The following MAGI2 variants were observed in gnomAD, a reference collection of about 807,000 sequenced individuals.
The protein encoded by MAGI2 is membrane-associated guanylate kinase, WW and PDZ domain-containing protein 2.
In MAGI2, 35 loss-of-function variants were observed where a neutral mutation model predicts 133.3. The ratio of observed to expected loss-of-function variants is 0.26; its 90% CI spans 0.20 to 0.35. The LOEUF (loss-of-function observed/expected upper bound fraction) is 0.35, where lower values mean the gene tolerates loss of function less well. Among genes scored for constraint, MAGI2 ranks in the 10% least tolerant of loss-of-function variants. MAGI2 has a pLI of 1.00. For missense variants in MAGI2, 1,636 were observed against 1,863.4 expected (o/e 0.88, Z 2.25); for synonymous variants, 729 against 710.6 (o/e 1.03, Z -0.41).
intron 2 of MAGI2, among the ~76,000 whole-genome samples, chr7:78,739,144 G>A (rs987282476): frequency 6.6e-6 from 1 of 152,048 alleles, no homozygotes; most frequent in African/African-American, 2.4e-5. Flanking sequence ...TTCCCCCTCA[G>A]TGAATTTATA....
intron 2 of MAGI2, among the ~76,000 whole-genome samples, chr7:78,992,168 C>T (rs1805850255): frequency 6.6e-6 from 1 of 151,986 alleles, no homozygotes; most frequent in Non-Finnish European, 1.5e-5. Flanking sequence ...TGGCTATAGA[C>T]CTTAACTGTG....
At chr7:78,119,523 T>C (rs1405724181) in intron 20 of MAGI2, among the ~76,000 whole-genome samples, 2 of 122,568 alleles carry the variant, frequency 1.6e-5, no homozygotes, top group African/African-American at 6.4e-5. Flanking sequence ...ATTGTGCCCC[T>C]GCACTCCTGC....
At chr7:79,279,804 C>A (rs537925439) in intron 1 of MAGI2, among the ~76,000 whole-genome samples, 1 of 152,212 alleles carries the variant, frequency 6.6e-6, no homozygotes, top group East Asian at 1.9e-4. Context: ...GTGACATTTA[C>A]CATAACATAA....
intron 9 of MAGI2, among the ~76,000 whole-genome samples, chr7:78,338,480 A>T (rs1790007105): frequency 6.6e-6 from 1 of 152,214 alleles, no homozygotes; most frequent in African/African-American, 2.4e-5. Flanking sequence ...TTTTTATTAT[A>T]GCATTGATAT....
intron 1 of MAGI2, among the ~76,000 whole-genome samples, chr7:79,394,502 G>A (rs1394836776): frequency 6.6e-6 from 1 of 152,068 alleles, no homozygotes; most frequent in South Asian, 2.1e-4. Context: ...ACACAAATGT[G>A]GCATACCATG....
chr7:78,471,853 A>G (rs1791234627), intron 6 of MAGI2, among the ~76,000 whole-genome samples: 1 of 152,030 alleles, frequency 6.6e-6, no homozygotes, highest in African/African-American at 2.4e-5. Context: ...TGAACTCAGG[A>G]GATGGAGGTT....
intron 7 of MAGI2, chr7:78,350,087 G>T (rs1791346826): frequency 6.6e-6 from 1 of 152,230 alleles, no homozygotes; most frequent in Admixed American, 6.5e-5. Flanking sequence ...GTCATATTCT[G>T]AAGTGCGTAT....
chr7:79,265,438 A>G (rs960031286), intron 1 of MAGI2, among the ~76,000 whole-genome samples: 1 of 152,092 alleles, frequency 6.6e-6, no homozygotes, highest in African/African-American at 2.4e-5. Context: ...CCCAAAGCAA[A>G]TCATTATTAA....
At chr7:79,031,343 A>T (rs1280355004) in intron 1 of MAGI2, among the ~76,000 whole-genome samples, 1 of 152,198 alleles carries the variant, frequency 6.6e-6, no homozygotes, top group Non-Finnish European at 1.5e-5. Context: ...CAAGCCTGAC[A>T]CTTAGTAGTT....
At chr7:78,880,238 T>C (rs1795742967) in intron 2 of MAGI2, among the ~76,000 whole-genome samples, 2 of 152,096 alleles carry the variant, frequency 1.3e-5, no homozygotes, top group African/African-American at 4.8e-5. Flanking sequence ...TGTGATATAC[T>C]ATACAAAATA....
At chr7:79,443,692 T>A (rs1206944308) in intron 1 of MAGI2, among the ~76,000 whole-genome samples, 2 of 152,224 alleles carry the variant, frequency 1.3e-5, no homozygotes, top group Non-Finnish European at 2.9e-5. Context: ...TGTGATCTAT[T>A]AAGTGACAAT....
chr7:78,593,275 C>T (rs1804238612), intron 3 of MAGI2, among the ~76,000 whole-genome samples: 1 of 151,948 alleles, frequency 6.6e-6, no homozygotes, highest in Non-Finnish European at 1.5e-5. Context: ...GCCTGTAGTC[C>T]CAGCTACTCG....
At position 79,345,965 on chromosome 7, in the gene MAGI2, A is replaced by G. The variant is rs193146665; in HGVS notation, c.301+107055T>C. On this transcript the variant is annotated intron_variant, in intron 1 of 21. Transcript: ENST00000354212. Reference sequence around the variant, plus strand: ...AAATATTACCAAATGATCTGGCAATAACTTCCATTGTTAAGAATGCTCATA... The same window carrying G: ...AAATATTACCAAATGATCTGGCAATGACTTCCATTGTTAAGAATGCTCATA... Among the ~76,000 whole-genome samples the G allele has an allele frequency of 3.3e-5, 5 of 152,232 alleles. No individual in the cohort carries two copies. In the East Asian group the frequency reaches 7.7e-4, roughly 24 times the overall value.
chr7:78,673,002 T>C (rs117375609), intron 2 of MAGI2, among the ~76,000 whole-genome samples: 1,906 of 152,318 alleles, frequency 0.013, 19 homozygotes, highest in Non-Finnish European at 0.02. Context: ...TCTGAAGTAT[T>C]AGATCACTAA....
chr7:78,573,225 T>A (rs1801767963), intron 3 of MAGI2, among the ~76,000 whole-genome samples: 1 of 66,230 alleles, frequency 1.5e-5, no homozygotes, highest in Non-Finnish European at 2.6e-5. Context: ...TAAATATATA[T>A]AAATATAAAT....
intron 1 of MAGI2, chr7:79,411,947 T>C (rs780812784): frequency 7.9e-5 from 12 of 152,016 alleles, no homozygotes; most frequent in Admixed American, 2.0e-4. Context: ...ATTTTTGACA[T>C]GAAAGGAAAA....
intron 1 of MAGI2, among the ~76,000 whole-genome samples, chr7:79,375,466 G>T (rs1378529065): frequency 1.3e-5 from 2 of 151,940 alleles, no homozygotes; most frequent in African/African-American, 2.4e-5. Context: ...ATAGAAATAA[G>T]ATACAAATAA....
intron 14 of MAGI2, among the ~76,000 whole-genome samples, chr7:78,175,420 A>G (rs560238495): frequency 6.6e-6 from 1 of 151,654 alleles, no homozygotes; most frequent in African/African-American, 2.4e-5. Context: ...GTGAGTGGAG[A>G]CTCCATCTGT....
At chr7:78,500,903 C>T (rs1278739634) in intron 5 of MAGI2, among the ~76,000 whole-genome samples, 1 of 152,150 alleles carries the variant, frequency 6.6e-6, no homozygotes, top group Admixed American at 6.5e-5. Flanking sequence ...GCCTTGGCAA[C>T]AAGGCAAAGC....
Sources: gnomAD v4.1 joint callset for allele counts (sites outside exome capture counted in the v4.1 genomes callset) on GRCh38, gnomAD v4.1.1 for gene constraint, MANE v1.5 for transcripts, NCBI Gene and HGNC (gene_info 2026-07-23, HGNC 2026-07-21) for gene names.